The following ATRNL1 variants were observed in gnomAD, a reference collection of about 807,000 sequenced individuals.
ATRNL1 encodes attractin like 1, also known as attractin-like protein 1.
A neutral mutation model predicts 182.7 loss-of-function variants in ATRNL1; 95 were observed. The observed-to-expected ratio is 0.52, with a 90% CI of 0.44 to 0.62. The LOEUF (loss-of-function observed/expected upper bound fraction) is 0.62. Among genes scored for constraint, ATRNL1 ranks in the 20% least tolerant of loss-of-function variants. The pLI is 0.00. For synonymous variants in ATRNL1, 576 were observed against 568.3 expected (o/e 1.01, Z -0.19); for missense variants, 1,471 against 1,679.5 (o/e 0.88, Z 2.17).
At chr10:115,185,204 G>A (rs576722033) in intron 8 of ATRNL1, among the ~76,000 whole-genome samples, 2 of 151,958 alleles carry the variant, frequency 1.3e-5, no homozygotes, top group South Asian at 4.2e-4. Context: ...CTTCTGAAAG[G>A]GCCCAGAAGC....
intron 26 of ATRNL1, among the ~76,000 whole-genome samples, chr10:115,701,970 CA>C (rs1353706014): frequency 6.6e-6 from 1 of 151,764 alleles, no homozygotes; most frequent in Non-Finnish European, 1.5e-5. Flanking sequence ...ACCCTGATAC[CA>C]AAACCTGGAA....
intron 19 of ATRNL1, among the ~76,000 whole-genome samples, chr10:115,391,106 CT>C (rs1274402076): frequency 5.9e-5 from 9 of 152,106 alleles, no homozygotes; most frequent in Admixed American, 3.3e-4. Context: ...AACAATTTAA[CT>C]TTTTAATTAA....
At chr10:115,534,583 A>T (rs1005627968) in intron 25 of ATRNL1, among the ~76,000 whole-genome samples, 1 of 152,216 alleles carries the variant, frequency 6.6e-6, no homozygotes, top group Admixed American at 6.5e-5. Flanking sequence ...GTGTCTTTTA[A>T]TTGGAGCATT....
At chr10:115,423,313 T>C (rs1046285671) in intron 20 of ATRNL1, among the ~76,000 whole-genome samples, 13 of 151,960 alleles carry the variant, frequency 8.6e-5, no homozygotes, top group Admixed American at 5.2e-4. Flanking sequence ...GTGAGTGAAT[T>C]GCTTGAGTCC....
chr10:115,441,985 C>T, intron 21 of ATRNL1, among the ~76,000 whole-genome samples: 1 of 152,000 alleles, frequency 6.6e-6, no homozygotes, highest in Non-Finnish European at 1.5e-5. Context: ...CTGTCCAAGG[C>T]ACTGTCATTT....
intron 6 of ATRNL1, 48 bp from the exon 7 acceptor site, chr10:115,165,510 C>A (rs782265505): frequency 3.4e-6 from 4 of 1,181,896 alleles, no homozygotes; most frequent in Non-Finnish European, 3.5e-6. Flanking sequence ...ATTAAAAAAA[C>A]AAAAATGAAT....
At chr10:115,711,407 C>G (rs1555054505) in intron 26 of ATRNL1, among the ~76,000 whole-genome samples, 1 of 152,174 alleles carries the variant, frequency 6.6e-6, no homozygotes, top group Non-Finnish European at 1.5e-5. Flanking sequence ...AATCACTTCA[C>G]CTCCTTGGAA....
At chr10:115,425,752 T>C (rs2453211) in intron 20 of ATRNL1, among the ~76,000 whole-genome samples, 5,138 of 152,188 alleles carry the variant, frequency 0.034, 268 homozygotes, top group African/African-American at 0.11. Context: ...AGATCTGTTT[T>C]TAAAAATACA....
chr10:115,827,975 A>T (rs1010979271), intron 27 of ATRNL1, among the ~76,000 whole-genome samples: 2 of 152,100 alleles, frequency 1.3e-5, no homozygotes, highest in African/African-American at 4.8e-5. Flanking sequence ...GGGCAGATCC[A>T]TTAACAAAGG....
At chr10:115,149,083 T>C (rs1380265928) in intron 5 of ATRNL1, among the ~76,000 whole-genome samples, 1 of 152,078 alleles carries the variant, frequency 6.6e-6, no homozygotes, top group Admixed American at 6.6e-5. Flanking sequence ...CTGATTTACA[T>C]AGGGCCCAGA....
chr10:115,580,492 T>A (rs1855002733), intron 26 of ATRNL1, among the ~76,000 whole-genome samples: 1 of 152,080 alleles, frequency 6.6e-6, no homozygotes, highest in Non-Finnish European at 1.5e-5. Context: ...GTAACAAGCC[T>A]TTTTTTCTCA....
intron 21 of ATRNL1, 53 bp downstream of exon 21, chr10:115,426,355 C>G: frequency 7.6e-7 from 1 of 1,322,624 alleles, no homozygotes; most frequent in Non-Finnish European, 1.1e-6. Context: ...CTATTAGTTT[C>G]AAATAATAAA....
intron 18 of ATRNL1, among the ~76,000 whole-genome samples, chr10:115,327,019 C>G (rs1854929213): frequency 6.6e-6 from 1 of 151,910 alleles, no homozygotes; most frequent in Admixed American, 6.6e-5. Context: ...AGGACATAGG[C>G]ATGGGCAAGG....
chr10:115,647,576 C>T (rs1180340311), intron 26 of ATRNL1, among the ~76,000 whole-genome samples: 1 of 152,076 alleles, frequency 6.6e-6, no homozygotes, highest in East Asian at 1.9e-4. Flanking sequence ...TTTCATGTGT[C>T]TGTTGGCTGC....
chr10:115,792,826 GC>G (rs1555082059), intron 27 of ATRNL1, among the ~76,000 whole-genome samples: 1 of 151,508 alleles, frequency 6.6e-6, no homozygotes, highest in African/African-American at 2.4e-5. Context: ...GTTCAAATAG[GC>G]AAAAATATAC....
intron 24 of ATRNL1, among the ~76,000 whole-genome samples, chr10:115,490,923 T>C (rs1849269407): frequency 6.6e-6 from 1 of 152,178 alleles, no homozygotes; most frequent in Non-Finnish European, 1.5e-5. Context: ...TGAGTGGACA[T>C]CCTTTTTGTT....
chr10:115,180,160 T>C (rs1290516771), intron 8 of ATRNL1, among the ~76,000 whole-genome samples: 1 of 152,024 alleles, frequency 6.6e-6, no homozygotes. Flanking sequence ...GTTTTCTCTT[T>C]AAAATCATGT....
intron 25 of ATRNL1, among the ~76,000 whole-genome samples, chr10:115,537,386 C>G (rs1300027095): frequency 6.6e-6 from 1 of 152,070 alleles, no homozygotes; most frequent in Non-Finnish European, 1.5e-5. Context: ...CTCTTTTTTT[C>G]CAGTTTTCTG....
intron 27 of ATRNL1, among the ~76,000 whole-genome samples, chr10:115,830,299 A>G (rs181894364): frequency 3.9e-5 from 6 of 152,330 alleles, no homozygotes; most frequent in African/African-American, 1.4e-4. Context: ...TAAATGGATC[A>G]TTGGCAACCT....
Sources: allele counts gnomAD v4.1 joint callset (sites outside exome capture counted in the v4.1 genomes callset), GRCh38; gene constraint gnomAD v4.1.1; transcripts MANE v1.5; gene names NCBI Gene and HGNC (gene_info 2026-07-23, HGNC 2026-07-21).